Variants in IL1RAPL1 observed in about 807,000 individuals in gnomAD.
The protein encoded by IL1RAPL1 is interleukin 1 receptor accessory protein like 1, also known as interleukin-1 receptor accessory protein-like 1.
In IL1RAPL1, 3 loss-of-function variants were observed where a neutral mutation model predicts 48.4. The observed-to-expected ratio is 0.06, with a 90% confidence interval of 0.03 to 0.16. IL1RAPL1 has a LOEUF of 0.16. IL1RAPL1 is among the 10% of genes least tolerant of loss of function. IL1RAPL1 has a pLI of 1.00. For missense variants in IL1RAPL1, 349 were observed against 530.6 expected (o/e 0.66, Z 3.36); for synonymous variants, 185 against 187.7 (o/e 0.99, Z 0.12).
At chrX:29,917,440 C>CTT (rs1569202744) in intron 6 of IL1RAPL1, 24 bp from the exon 7 acceptor site, 1 of 1,204,107 alleles carries the variant, frequency 8.3e-7, no homozygotes, top group Non-Finnish European at 1.1e-6. Flanking sequence ...TTTTATAACA[C>CTT]TTTTCCATCA....
intron 6 of IL1RAPL1, among the ~76,000 whole-genome samples, chrX:29,738,823 A>G (rs1317095607): frequency 8.9e-6 from 1 of 112,019 alleles, no homozygotes; most frequent in African/African-American, 3.2e-5. Context: ...GCTCTCTTGG[A>G]GAGTTGTTTC....
At chrX:29,303,325 A>G (rs1321542928) in intron 3 of IL1RAPL1, among the ~76,000 whole-genome samples, 1 of 112,062 alleles carries the variant, frequency 8.9e-6, no homozygotes, top group Admixed American at 9.5e-5. Flanking sequence ...TTGGCCATGC[A>G]TTAAATGTTA....
At chrX:29,155,795 C>G (rs1211980467) in intron 2 of IL1RAPL1, among the ~76,000 whole-genome samples, 1 of 111,322 alleles carries the variant, frequency 9.0e-6, no homozygotes, top group African/African-American at 3.3e-5. Context: ...ATAGTAGCTA[C>G]CATTTCAGGG....
chrX:29,898,949 G>A (rs926497790), intron 6 of IL1RAPL1, among the ~76,000 whole-genome samples: 2 of 111,960 alleles, frequency 1.8e-5, no homozygotes, highest in African/African-American at 6.5e-5. Context: ...ATTAGATGCT[G>A]GCAAGTCTGA....
At position 29,309,711 on chromosome X, in the gene IL1RAPL1, G is replaced by T. The variant is rs752726249; in HGVS notation, c.362+26494G>T. On this transcript the variant is annotated intron_variant, in intron 3 of 10. Transcript: ENST00000378993. ...GCCTGTAACCCCGGCCACTCGGGAGGCTTAGGCAGGAGAATCACTTGAACA... is the reference window on the plus strand; with the variant it reads ...GCCTGTAACCCCGGCCACTCGGGAGTCTTAGGCAGGAGAATCACTTGAACA... Among the ~76,000 whole-genome samples, 5 of 109,935 alleles carry T rather than the reference G, an allele frequency of 4.5e-5. No individual in the cohort carries two copies. In the East Asian group the frequency reaches 1.2e-3, roughly 25 times the overall value.
At chrX:29,145,346 C>G (rs1296437259) in intron 2 of IL1RAPL1, among the ~76,000 whole-genome samples, 1 of 112,043 alleles carries the variant, frequency 8.9e-6, no homozygotes, top group African/African-American at 3.2e-5. Flanking sequence ...ATCTTATTAT[C>G]CAGTCTGTAA....
chrX:28,625,378 A>AG (rs1230790645), intron 1 of IL1RAPL1, among the ~76,000 whole-genome samples: 1 of 112,142 alleles, frequency 8.9e-6, no homozygotes, highest in Non-Finnish European at 1.9e-5. Context: ...GAGGCAGCAG[A>AG]TCAGCCACCT....
intron 1 of IL1RAPL1, among the ~76,000 whole-genome samples, chrX:28,714,764 G>A (rs989446100): frequency 8.9e-6 from 1 of 112,183 alleles, no homozygotes; most frequent in Non-Finnish European, 1.9e-5. Flanking sequence ...GGTGTGACAA[G>A]TTATTAGTGG....
intron 6 of IL1RAPL1, among the ~76,000 whole-genome samples, chrX:29,783,405 C>T (rs1039634039): frequency 4.5e-5 from 5 of 110,535 alleles, no homozygotes; most frequent in South Asian, 3.9e-4. Flanking sequence ...AATTGGCCAG[C>T]GGGAGAGGCT....
At chrX:28,955,147 A>C (rs758901473) in intron 2 of IL1RAPL1, among the ~76,000 whole-genome samples, 1 of 111,811 alleles carries the variant, frequency 8.9e-6, no homozygotes, top group Non-Finnish European at 1.9e-5. Context: ...TTTATCATTT[A>C]AAATAATGAA....
chrX:28,984,976 C>T (rs1925431871), intron 2 of IL1RAPL1, among the ~76,000 whole-genome samples: 1 of 111,770 alleles, frequency 8.9e-6, no homozygotes, highest in Middle Eastern at 4.7e-3. Context: ...AAGGTCTCTT[C>T]CACCTCTTTG....
At chrX:29,379,098 C>A (rs1219649318) in intron 3 of IL1RAPL1, among the ~76,000 whole-genome samples, 1 of 112,380 alleles carries the variant, frequency 8.9e-6, no homozygotes, top group African/African-American at 3.2e-5. Context: ...CCTTGGGGCA[C>A]CAGGACTGGC....
chrX:29,559,516 T>C (rs1392035382), intron 5 of IL1RAPL1, among the ~76,000 whole-genome samples: 3 of 112,151 alleles, frequency 2.7e-5, no homozygotes, highest in African/African-American at 9.7e-5. Context: ...CTTGTTAGTG[T>C]TCTGCTCAGA....
At chrX:28,625,737 CGTGTGTGT>C (rs112613600) in intron 1 of IL1RAPL1, among the ~76,000 whole-genome samples, 4 of 99,293 alleles carry the variant, frequency 4.0e-5, no homozygotes, top group South Asian at 4.6e-4. Flanking sequence ...AATCAAAATG[CGTGTGTGT>C]GTGTGTGTGT....
intron 2 of IL1RAPL1, among the ~76,000 whole-genome samples, chrX:29,205,294 T>C (rs1190918797): frequency 8.9e-6 from 1 of 111,878 alleles, no homozygotes; most frequent in Non-Finnish European, 1.9e-5. Flanking sequence ...TTGTAAATAT[T>C]TTACTTTTCT....
intron 2 of IL1RAPL1, among the ~76,000 whole-genome samples, chrX:29,173,005 C>T (rs5985967): frequency 0.13 from 14,939 of 110,891 alleles, 976 homozygotes; most frequent in Non-Finnish European, 0.19. Flanking sequence ...GGACTTGCTG[C>T]TAAACCCACC....
chrX:29,873,950 A>AC (rs1159880330), intron 6 of IL1RAPL1, among the ~76,000 whole-genome samples: 20 of 111,939 alleles, frequency 1.8e-4, no homozygotes, highest in Admixed American at 1.3e-3. Context: ...GTGTACCATG[A>AC]CCCAGACATC....
At chrX:28,939,661 T>C (rs775389876) in intron 2 of IL1RAPL1, among the ~76,000 whole-genome samples, 2 of 111,324 alleles carry the variant, frequency 1.8e-5, no homozygotes, top group Non-Finnish European at 3.8e-5. Context: ...AAACTCCACA[T>C]GTACCCCTGT....
intron 1 of IL1RAPL1, among the ~76,000 whole-genome samples, chrX:28,691,013 A>G (rs1199852935): frequency 4.5e-5 from 5 of 111,697 alleles, no homozygotes; most frequent in Non-Finnish European, 1.9e-5. Flanking sequence ...ATTAAAGTCA[A>G]TCATTTTTAA....
Sources: gnomAD v4.1 joint callset for allele counts (sites outside exome capture counted in the v4.1 genomes callset) on GRCh38, gnomAD v4.1.1 for gene constraint, MANE v1.5 for transcripts, NCBI Gene and HGNC (gene_info 2026-07-23, HGNC 2026-07-21) for gene names.